The following ZNF846 variants were observed in gnomAD, a reference collection of about 807,000 sequenced individuals.
ZNF846 encodes the protein zinc finger protein 846.
In ZNF846, 15 loss-of-function variants were observed where a neutral mutation model predicts 16.0. The observed-to-expected ratio is 0.94, with a 90% confidence interval of 0.63 to 1.45. The LOEUF (loss-of-function observed/expected upper bound fraction) is 1.45. Among genes scored for constraint, ZNF846 ranks in the 40% most tolerant of loss-of-function variants. The pLI, the probability that ZNF846 is intolerant of heterozygous loss-of-function variation, is 0.00. For synonymous variants in ZNF846, 229 were observed against 212.0 expected (o/e 1.08, Z -0.70); for missense variants, 714 against 622.3 (o/e 1.15, Z -1.57).
downstream of ZNF846, among the ~76,000 whole-genome samples, chr19:9,750,313 A>G (rs554845931): frequency 2.0e-4 from 30 of 152,234 alleles, no homozygotes; most frequent in African/African-American, 6.5e-4. Context: ...ATAGTAGTGA[A>G]AGACTACTCA....
chr19:9,764,964 G>C, exon 2 of ZNF846: 1 of 1,614,134 alleles, frequency 6.2e-7, no homozygotes, highest in East Asian at 2.2e-5. Flanking sequence ...TAATCCATCA[G>C]TAACCCAGCC....
intron 4 of ZNF846, among the ~76,000 whole-genome samples, chr19:9,761,444 T>C (rs2045226430): frequency 6.6e-6 from 1 of 151,676 alleles, no homozygotes. Context: ...GTCAAAACTA[T>C]CACTACACCT....
chr19:9,767,835 G>C (rs528751565), intron 1 of ZNF846, among the ~76,000 whole-genome samples: 1 of 152,260 alleles, frequency 6.6e-6, no homozygotes, highest in East Asian at 1.9e-4. Context: ...TCAGCATGCT[G>C]AGGCAGGAGA....
chr19:9,755,889 G>A (rs1273513872), downstream of ZNF846, among the ~76,000 whole-genome samples: 3 of 139,948 alleles, frequency 2.1e-5, no homozygotes, highest in Admixed American at 7.2e-5. Flanking sequence ...CACCCAGGCT[G>A]GAGTGTAGTG....
chr19:9,783,840 C>G (rs939784259), intron 1 of ZNF846, among the ~76,000 whole-genome samples: 2 of 151,784 alleles, frequency 1.3e-5, no homozygotes, highest in Non-Finnish European at 2.9e-5. Flanking sequence ...AGGCACAGTG[C>G]CACTATGCTT....
chr19:9,777,971 A>G lies in ZNF846; in HGVS notation c.-86+7967T>C, dbSNP rs190681046. Among the ~76,000 whole-genome samples, 35 of 152,362 alleles carry G rather than the reference A, an allele frequency of 2.3e-4. 1 individual carries two copies. In the East Asian group the frequency reaches 6.4e-3, roughly 28 times the overall value. On this transcript the variant is annotated intron_variant, in intron 1 of 4. Transcript: ENST00000586814. ...CAGCAAACACTGGACAAAGGAGAGA[A>G]TCAGCTTTCCAGAGTTACAGTATTA...
rs1344079550 is a variant in ZNF846 at position 9,785,546 on chromosome 19, A to G, written c.-86+392T>C. Among the ~76,000 whole-genome samples, 3 of 80,112 alleles carry G rather than the reference A, an allele frequency of 3.7e-5. No individual in the cohort carries two copies. The East Asian group carries it at 1.2e-3, about 33-fold the overall frequency. 52.6% of individuals were successfully genotyped at this position (80,112 alleles called of 152,430 possible). On this transcript the variant is annotated intron_variant, in intron 1 of 4. Coordinates refer to the ZNF846 transcript ENST00000586814. ...CCCCGCCCCCGTCTCTCGCTCACGG[A>G]GTCCCCGCCCCTGTCTCAACCAAGA...
chr19:9,784,409 C>A (rs1480153080), intron 1 of ZNF846, among the ~76,000 whole-genome samples: 1 of 152,204 alleles, frequency 6.6e-6, no homozygotes, highest in Non-Finnish European at 1.5e-5. Context: ...TTTCACTTTA[C>A]ACAAACATCT....
At chr19:9,775,711 C>T (rs1485128773) in intron 1 of ZNF846, among the ~76,000 whole-genome samples, 1 of 152,130 alleles carries the variant, frequency 6.6e-6, no homozygotes, top group Non-Finnish European at 1.5e-5. Flanking sequence ...GACCACAAGG[C>T]AGCAGTAGCT....
intron 1 of ZNF846, among the ~76,000 whole-genome samples, chr19:9,784,676 G>C (rs562752730): frequency 6.6e-6 from 1 of 152,094 alleles, no homozygotes; most frequent in Non-Finnish European, 1.5e-5. Context: ...CATATCTCAG[G>C]CTGTCTCAGT....
exon 6 of ZNF846, chr19:9,758,744 C>T: frequency 6.3e-7 from 1 of 1,578,672 alleles, no homozygotes; most frequent in Middle Eastern, 1.7e-4. Context: ...CATACAGTTT[C>T]TCTGCAGTAT....
chr19:9,781,860 C>T (rs1392164802), intron 1 of ZNF846, among the ~76,000 whole-genome samples: 2 of 150,338 alleles, frequency 1.3e-5, no homozygotes, highest in Non-Finnish European at 2.9e-5. Flanking sequence ...CTCACTACAA[C>T]CTCCGCCTCC....
intron 5 of ZNF846, among the ~76,000 whole-genome samples, chr19:9,759,208 G>A (rs2045182887): frequency 6.6e-6 from 1 of 151,806 alleles, no homozygotes; most frequent in Non-Finnish European, 1.5e-5. Context: ...ATGTTGACCA[G>A]GCTAGTCTCC....
intron 2 of ZNF846, among the ~76,000 whole-genome samples, chr19:9,764,121 C>T (rs75164352): frequency 0.12 from 18,412 of 152,146 alleles, 1,367 homozygotes; most frequent in Admixed American, 0.23. Flanking sequence ...GGAATGCGAC[C>T]CTTGTGGAGA....
At chr19:9,761,388 A>G (rs2045225080) in intron 4 of ZNF846, among the ~76,000 whole-genome samples, 1 of 152,170 alleles carries the variant, frequency 6.6e-6, no homozygotes, top group South Asian at 2.1e-4. Flanking sequence ...GATGGACTAT[A>G]AAGAGTTTGG....
intron 4 of ZNF846, among the ~76,000 whole-genome samples, chr19:9,760,895 G>A (rs1225321538): frequency 1.3e-5 from 2 of 151,450 alleles, no homozygotes; most frequent in Non-Finnish European, 2.9e-5. Flanking sequence ...CTTTTGGTGT[G>A]ATGGTAATGC....
intron 1 of ZNF846, among the ~76,000 whole-genome samples, chr19:9,779,162 C>G (rs893185810): frequency 3.3e-5 from 5 of 152,166 alleles, no homozygotes; most frequent in African/African-American, 1.2e-4. Flanking sequence ...GACGATTTAA[C>G]TCTGACATTT....
At chr19:9,779,192 G>T (rs1190080349) in intron 1 of ZNF846, among the ~76,000 whole-genome samples, 1 of 152,080 alleles carries the variant, frequency 6.6e-6, no homozygotes, top group East Asian at 1.9e-4. Flanking sequence ...GTAGCTTCGG[G>T]GTGTCACCTT....
upstream of ZNF846, among the ~76,000 whole-genome samples, chr19:9,769,326 C>A (rs540753056): frequency 7.2e-5 from 11 of 152,228 alleles, no homozygotes; most frequent in Non-Finnish European, 7.4e-5. Context: ...AAAGGATCCT[C>A]CCCCCTCGGC....
Sources: allele counts gnomAD v4.1 joint callset (sites outside exome capture counted in the v4.1 genomes callset), GRCh38; gene constraint gnomAD v4.1.1; transcripts MANE v1.5; gene names NCBI Gene and HGNC (gene_info 2026-07-23, HGNC 2026-07-21).